PDLIM3: variants seen among roughly 807,000 people sequenced by gnomAD.
PDLIM3 encodes PDZ and LIM domain protein 3.
PDLIM3 carries 36 observed loss-of-function variants against 37.3 expected under a neutral mutation model. The observed-to-expected ratio is 0.97, with a 90% CI of 0.74 to 1.28. PDLIM3 has a LOEUF of 1.28. Among genes scored for constraint, PDLIM3 ranks in the 50% most tolerant of loss-of-function variants. The pLI is 0.00. For synonymous variants in PDLIM3, 174 were observed against 182.4 expected (o/e 0.95, Z 0.37); for missense variants, 454 against 485.0 (o/e 0.94, Z 0.60).
At chr4:185,528,087 C>CAAAT (rs2095737411) in intron 1 of PDLIM3, among the ~76,000 whole-genome samples, 1 of 151,746 alleles carries the variant, frequency 6.6e-6, no homozygotes, top group Admixed American at 6.6e-5. Context: ...AACAAACAAA[C>CAAAT]AAACAAAACA....
intron 5 of PDLIM3, among the ~76,000 whole-genome samples, chr4:185,507,943 T>C (rs1233463270): frequency 6.6e-6 from 1 of 152,066 alleles, no homozygotes; most frequent in Non-Finnish European, 1.5e-5. Context: ...TAAATAACTT[T>C]GAGAAGTATT....
chr4:185,525,141 T>G lies in PDLIM3; in HGVS notation c.124A>C (p.Asn42His). ...ITPGSKAAAA[N>H]LCPGDVILAI... ...AGGATGACATCTCCAGGACACAGGTTGGCAGCTGCCGCCTTGCTTCCTGGT... is the reference window on the plus strand; with the variant it reads ...AGGATGACATCTCCAGGACACAGGTGGGCAGCTGCCGCCTTGCTTCCTGGT... The change falls in exon 2 of 8, where the codon AAC becomes CAC. Residue 42 changes from asparagine to histidine, a missense_variant. Physicochemically the swap from Asn to His is moderately conservative, Grantham distance 68. Transcript: ENST00000284767. 6.2e-6 allele frequency: 10 copies of G among 1,614,210 alleles called. No homozygotes were observed. The highest frequency in any genetic ancestry group is 8.5e-6 in the Non-Finnish European group (10 of 1,180,008).
In PDLIM3 at chr4:185,514,363, C is replaced by A. The variant is rs1365409369; in HGVS notation, c.331-26G>T. ...CTGTGAAAACAAAGCGTTAAAAAGG[C>A]CCTCAGTGGAAGGCGGACACTGTTG... On this transcript the variant is annotated intron_variant, in intron 3 of 7. Coordinates refer to ENST00000284767, the MANE Select transcript of PDLIM3 (RefSeq NM_014476.6). The surrounding 1 kb of genome is among the most constrained non-coding windows in gnomAD (Gnocchi z 4.0). The A allele has an allele frequency of 6.2e-7, 1 of 1,614,152 alleles. No homozygotes were observed. The highest frequency in any genetic ancestry group is 1.7e-5 in the Admixed American group (1 of 60,016).
intron 2 of PDLIM3, among the ~76,000 whole-genome samples, chr4:185,524,141 T>C (rs977404685): frequency 7.2e-5 from 11 of 152,244 alleles, no homozygotes; most frequent in African/African-American, 2.6e-4. Flanking sequence ...GTGAGTGATC[T>C]GCCAGGTGGA....
chr4:185,513,514 A>G, intron 4 of PDLIM3: 8 of 915,412 alleles, frequency 8.7e-6, no homozygotes, highest in Non-Finnish European at 1.0e-5. Context: ...AGGCACTTAA[A>G]TTCTTTTTTT....
intron 7 of PDLIM3, among the ~76,000 whole-genome samples, chr4:185,503,897 A>T (rs971200637): frequency 1.2e-4 from 19 of 152,248 alleles, no homozygotes; most frequent in Non-Finnish European, 2.6e-4. Context: ...GCAGTGAGCC[A>T]AGATTGCGCC....
chr4:185,514,569 G>T lies in PDLIM3; in HGVS notation c.331-232C>A. On this transcript the variant is annotated intron_variant, in intron 3 of 7. Transcript: ENST00000284767. This position sits in a 1 kb window ranked among gnomAD's most constrained non-coding sequence, Gnocchi z 4.0. ...CAATTAGAACATGTTTTAGATGCTT[G>T]TCTTTAAAAGAGAAATCTGATAGTG... 1 of 1,228,518 alleles carries T rather than the reference G, an allele frequency of 8.1e-7. No individual in the cohort carries two copies. The highest frequency in any genetic ancestry group is 1.1e-6 in the Non-Finnish European group (1 of 888,486). 76.1% of individuals were successfully genotyped at this position (1,228,518 alleles called of 1,614,324 possible). A position where few individuals can be genotyped will look rare whatever the true frequency, so the allele number is the denominator to read the frequency against.
chr4:185,532,432 C>T (rs922192189), intron 1 of PDLIM3, among the ~76,000 whole-genome samples: 5 of 152,114 alleles, frequency 3.3e-5, no homozygotes, highest in South Asian at 2.1e-4. Flanking sequence ...AGTAATCAAC[C>T]GGATGAGATG....
At chr4:185,528,935 A>AT (rs1450084406) in intron 1 of PDLIM3, among the ~76,000 whole-genome samples, 4 of 152,278 alleles carry the variant, frequency 2.6e-5, no homozygotes, top group African/African-American at 9.6e-5. Context: ...TTGCATTATT[A>AT]TATTCTTTCC....
In PDLIM3 at chr4:185,504,623, C is replaced by A. The variant is rs747906314; in HGVS notation, c.794-37G>T. ...AGCGTTTCCATTTATGGCTAGGGAA[C>A]AGCTGGCCGCAGCCTGTGCTTGGCT... On this transcript the variant is annotated intron_variant, in intron 6 of 7. Transcript: ENST00000284767. The surrounding 1 kb of genome is among the most constrained non-coding windows in gnomAD (Gnocchi z 4.7). The A allele has an allele frequency of 7.4e-6, 11 of 1,485,388 alleles. No homozygotes were observed. The highest frequency in any genetic ancestry group is 1.0e-5 in the Non-Finnish European group (11 of 1,067,720). 92.0% of individuals were successfully genotyped at this position (1,485,388 alleles called of 1,614,324 possible).
At chr4:185,531,378 C>A (rs906201225) in intron 1 of PDLIM3, among the ~76,000 whole-genome samples, 18 of 152,154 alleles carry the variant, frequency 1.2e-4, no homozygotes, top group Admixed American at 1.3e-4. Flanking sequence ...CTAGAAACTG[C>A]TTTCCTAAAA....
intron 1 of PDLIM3, among the ~76,000 whole-genome samples, chr4:185,534,835 G>T (rs1228557564): frequency 6.6e-6 from 1 of 152,190 alleles, no homozygotes; most frequent in Non-Finnish European, 1.5e-5. Flanking sequence ...GCCAACGCAG[G>T]TCGTGCCCCG....
chr4:185,508,679 G>A (rs2095701967), intron 4 of PDLIM3, 117 bp from the exon 5 acceptor site: 12 of 961,976 alleles, frequency 1.2e-5, no homozygotes, highest in Admixed American at 1.9e-5. Flanking sequence ...AAAGTGAGAG[G>A]TGAATTACAT....
intron 4 of PDLIM3, among the ~76,000 whole-genome samples, chr4:185,509,663 TATC>T (rs1307515232): frequency 3.3e-5 from 5 of 152,190 alleles, no homozygotes; most frequent in African/African-American, 1.2e-4. Flanking sequence ...TGTAAATATT[TATC>T]ATACTTTCCA....
At chr4:185,506,375 T>G (rs2095697182) in intron 6 of PDLIM3, 147 bp downstream of exon 6, 10 of 1,041,450 alleles carry the variant, frequency 9.6e-6, no homozygotes, top group Non-Finnish European at 1.5e-5. Flanking sequence ...ACCATCCATA[T>G]CCTATCCTTC....
At position 185,508,556 on chromosome 4, in the gene PDLIM3, G is replaced by A; in HGVS notation, c.405C>T (p.Cys135=). The A allele has an allele frequency of 1.2e-6, 2 of 1,613,894 alleles. No homozygotes were observed. Among genetic ancestry groups the A allele is most frequent in the Non-Finnish European group, 1.7e-6 (2 of 1,179,868 alleles). ...PFVIPGRSSG[C]STPSGIDCGS... ...CACAGTCAATCCCGGAGGGAGTGCT[G>A]CATCCACTGTGTTAATGGATACACG... The change falls in exon 5 of 8, where the codon TGC becomes TGT. Residue 135 remains cysteine (C), a synonymous_variant. Transcript: ENST00000284767.
chr4:185,510,615 T>TCACG (rs1418550831), intron 4 of PDLIM3, among the ~76,000 whole-genome samples: 21 of 152,292 alleles, frequency 1.4e-4, no homozygotes, highest in Admixed American at 7.2e-4. Context: ...TTTTTTCAAA[T>TCACG]TGTCGCAAAT....
chr4:185,507,400 CTTT>C (rs1314892283), intron 5 of PDLIM3, among the ~76,000 whole-genome samples: 1 of 152,056 alleles, frequency 6.6e-6, no homozygotes, highest in Non-Finnish European at 1.5e-5. Context: ...TTAAGCACTA[CTTT>C]ATTATTTTAT....
intron 5 of PDLIM3, among the ~76,000 whole-genome samples, chr4:185,507,960 G>A (rs2153332840): frequency 6.6e-6 from 1 of 152,018 alleles, no homozygotes; most frequent in South Asian, 2.1e-4. Context: ...TATTACACCA[G>A]ATATTTGTAA....
Sources: gnomAD v4.1 joint callset for allele counts (sites outside exome capture counted in the v4.1 genomes callset) on GRCh38, gnomAD v4.1.1 for gene constraint, Gnocchi (gnomAD v3.1) non-coding constraint, MANE v1.5 for transcripts, NCBI Gene and HGNC (gene_info 2026-07-23, HGNC 2026-07-21) for gene names.